The following ZMYM5 variants were observed in gnomAD, a reference collection of about 807,000 sequenced individuals.
ZMYM5 encodes zinc finger MYM-type containing 5, also known as zinc finger MYM-type protein 5.
Under a neutral mutation model 61.8 loss-of-function variants are expected in ZMYM5, and 41 were observed. The observed-to-expected ratio is 0.66, with a 90% confidence interval of 0.52 to 0.86. The LOEUF (loss-of-function observed/expected upper bound fraction) is 0.86, where lower values mean the gene tolerates loss of function less well. ZMYM5 is among the 40% of genes least tolerant of loss of function. The pLI is 0.00. For synonymous variants in ZMYM5, 257 were observed against 276.4 expected (o/e 0.93, Z 0.70); for missense variants, 706 against 786.7 (o/e 0.90, Z 1.23).
At position 19,838,948 on chromosome 13, in the gene ZMYM5, A is replaced by ATC. The variant is rs766080283; in HGVS notation, c.623_624insGA (p.Asn208LysfsTer81). The ATC allele has an allele frequency of 1.2e-6, 2 of 1,613,918 alleles. No individual in the cohort carries two copies. Among genetic ancestry groups the ATC allele is most frequent in the Non-Finnish European group, 1.7e-6 (2 of 1,179,888 alleles). On this transcript the variant is annotated frameshift_variant, in exon 5 of 8. Coordinates refer to ENST00000337963, the MANE Select transcript of ZMYM5 (RefSeq NM_001142684.2). LOFTEE classifies it high-confidence loss of function. ...AAGAATCCACCCCTGGCTGTTTCTG[A>ATC]TTACTGGGAAATGAAGCTGACTGGG... is the stretch of plus-strand genomic sequence containing the variant.
At chr13:19,826,247 G>C (rs942201987) in intron 7 of ZMYM5, among the ~76,000 whole-genome samples, 3 of 151,908 alleles carry the variant, frequency 2.0e-5, no homozygotes, top group Admixed American at 1.3e-4. Flanking sequence ...AACTACTCGG[G>C]AGGCTGAGGC....
At chr13:19,858,530 A>G (rs565294115) in intron 2 of ZMYM5, among the ~76,000 whole-genome samples, 1 of 139,464 alleles carries the variant, frequency 7.2e-6, no homozygotes, top group East Asian at 2.4e-4. Flanking sequence ...GGCTGCAGTG[A>G]GCCGAGATGG....
intron 2 of ZMYM5, among the ~76,000 whole-genome samples, chr13:19,855,777 C>G (rs1345340010): frequency 6.6e-6 from 1 of 150,680 alleles, no homozygotes; most frequent in Admixed American, 6.6e-5. Context: ...TTTGGGGGGC[C>G]AAGGTGGGTG....
chr13:19,854,798 G>T (rs1953445744), intron 2 of ZMYM5, among the ~76,000 whole-genome samples: 1 of 152,046 alleles, frequency 6.6e-6, no homozygotes, highest in African/African-American at 2.4e-5. Flanking sequence ...GAAATTAAGA[G>T]CCAGGAGATA....
At chr13:19,830,436 G>A (rs1295195014) in intron 7 of ZMYM5, among the ~76,000 whole-genome samples, 1 of 152,078 alleles carries the variant, frequency 6.6e-6, no homozygotes, top group African/African-American at 2.4e-5. Context: ...GTGCAGTGAC[G>A]TGATCTCGGC....
chr13:19,856,017 CAAAAACAAAAAAAAAACA>C (rs1953493422), intron 2 of ZMYM5, among the ~76,000 whole-genome samples: 1 of 146,086 alleles, frequency 6.8e-6, no homozygotes, highest in African/African-American at 2.5e-5. Context: ...GATTCCATCT[CAAAAACAAAAAAAAAACA>C]AAAAACAAAC....
chr13:19,861,324 T>C (rs1953753084), intron 2 of ZMYM5, among the ~76,000 whole-genome samples: 1 of 152,100 alleles, frequency 6.6e-6, no homozygotes, highest in South Asian at 2.1e-4. Flanking sequence ...AATTTTTGTA[T>C]TTTTTGTAGA....
chr13:19,838,386 A>C (rs1030058137), intron 5 of ZMYM5, among the ~76,000 whole-genome samples: 2 of 152,148 alleles, frequency 1.3e-5, no homozygotes, highest in African/African-American at 4.8e-5. Flanking sequence ...TCAAAAACAA[A>C]CCAACAAACC....
chr13:19,846,972 C>T (rs1319589451), intron 4 of ZMYM5, among the ~76,000 whole-genome samples: 2 of 152,008 alleles, frequency 1.3e-5, no homozygotes, highest in Non-Finnish European at 2.9e-5. Flanking sequence ...TTTTTTGAGA[C>T]AGTCTCGCTC....
At chr13:19,850,888 T>C (rs1309550945) in intron 4 of ZMYM5, among the ~76,000 whole-genome samples, 1 of 152,166 alleles carries the variant, frequency 6.6e-6, no homozygotes, top group East Asian at 1.9e-4. Context: ...CCGTACAGTT[T>C]TATTAAGTAA....
Position 19,851,937 on chromosome 13 carries a change from A to G in ZMYM5, c.244T>C (p.Phe82Leu). Reference sequence around the variant, plus strand: ...TCATTTTTTGATGATGCAAATATGAAGTTTCTTTGATCAGCTATTGCTGGA... The same window carrying G: ...TCATTTTTTGATGATGCAAATATGAGGTTTCTTTGATCAGCTATTGCTGGA... ...SAPAIADQRN[F>L]IFASSKNEKP... The change falls in exon 3 of 8, where the codon TTC (phenylalanine) becomes CTC (leucine). Residue 82 changes from phenylalanine to leucine, a missense_variant. Phe to Leu is a conservative substitution (Grantham distance 22). Transcript: ENST00000337963. 1 of 1,613,844 alleles carries G rather than the reference A, an allele frequency of 6.2e-7. No individual in the cohort carries two copies. The highest frequency in any genetic ancestry group is 1.7e-5 in the Admixed American group (1 of 59,956).
chr13:19,843,390 A>AAT (rs1952955753), intron 4 of ZMYM5: 1 of 150,206 alleles, frequency 6.7e-6, no homozygotes, highest in Non-Finnish European at 1.5e-5. Flanking sequence ...AAAAAAAAAA[A>AAT]AAAAAAGAAT....
intron 2 of ZMYM5, 30 bp from the exon 3 acceptor site, chr13:19,852,220 TC>T: frequency 6.6e-7 from 1 of 1,504,068 alleles, no homozygotes; most frequent in Non-Finnish European, 8.8e-7. Context: ...AAAAAAAAGT[TC>T]TAGTATGTTA....
chr13:19,863,110 C>T (rs961896415), intron 1 of ZMYM5, among the ~76,000 whole-genome samples: 2 of 151,940 alleles, frequency 1.3e-5, no homozygotes, highest in African/African-American at 4.8e-5. Context: ...GGGCGCCCCT[C>T]CCTCGCCCAA....
Position 19,834,194 on chromosome 13 carries a change from T to C in ZMYM5, c.1251+1283A>G, listed in dbSNP as rs575213072. Among the ~76,000 whole-genome samples the C allele has an allele frequency of 1.1e-4, 16 of 152,204 alleles. No homozygotes were observed. The South Asian group carries it at 3.3e-3, about 32-fold the overall frequency. On this transcript the variant is annotated intron_variant, in intron 7 of 7. Coordinates refer to ENST00000337963, the MANE Select transcript of ZMYM5 (RefSeq NM_001142684.2). ...GGTTTCGCCACGTTGGTCAGGCTGG[T>C]CTCCAACTCCTGACCTTAGGTGATC...
intron 4 of ZMYM5, among the ~76,000 whole-genome samples, chr13:19,845,915 C>T (rs1026470575): frequency 6.6e-6 from 1 of 152,162 alleles, no homozygotes; most frequent in African/African-American, 2.4e-5. Context: ...GGTCATATGA[C>T]TGAACTCAGC....
rs770210760 is a variant in ZMYM5, at chr13:19,837,661, C to G, written c.1033G>C (p.Ala345Pro). ...KSRCTICSKL[A>P]EIRHEVSVNN... ...TTAGGTATAAAAATCCAGACCTCTG[C>G]TAATTTACTACAAATTGTACATCTT... is the stretch of plus-strand genomic sequence containing the variant. The change falls in exon 6 of 8, where the codon GCA becomes CCA. Residue 345 changes from alanine (A) to proline (P), a missense_variant. This residue lies in a region of ZMYM5 where 480 missense variants were observed against 461.7 expected (regional missense o/e 1.04). Transcript: ENST00000337963. 6.3e-7 allele frequency: 1 copy of G among 1,586,718 alleles called. No homozygotes were observed. Among genetic ancestry groups the G allele is most frequent in the Non-Finnish European group, 8.5e-7 (1 of 1,173,542 alleles).
intron 4 of ZMYM5, among the ~76,000 whole-genome samples, chr13:19,839,448 G>A (rs1362447325): frequency 6.6e-6 from 1 of 151,966 alleles, no homozygotes; most frequent in African/African-American, 2.4e-5. Context: ...GAGTGCAATG[G>A]CACAATCTCG....
At chr13:19,863,237 T>A (rs1462002747) in intron 1 of ZMYM5, among the ~76,000 whole-genome samples, 5 of 128,442 alleles carry the variant, frequency 3.9e-5, no homozygotes, top group Non-Finnish European at 8.2e-5. Context: ...CCTCCGCCGC[T>A]GGCGACCGCC....
Sources: allele counts gnomAD v4.1 joint callset (sites outside exome capture counted in the v4.1 genomes callset), GRCh38; gene constraint gnomAD v4.1.1; regional missense constraint gnomAD v4.1.1; transcripts MANE v1.5; gene names NCBI Gene and HGNC (gene_info 2026-07-23, HGNC 2026-07-21).